MDGA2: variants seen among roughly 807,000 people sequenced by gnomAD.
MDGA2 encodes MAM domain containing glycosylphosphatidylinositol anchor 2.
Under a neutral mutation model 117.8 loss-of-function variants are expected in MDGA2, and 40 were observed. The ratio of observed to expected loss-of-function variants is 0.34; its 90% CI spans 0.26 to 0.44. The LOEUF is 0.44. Among genes scored for constraint, MDGA2 ranks in the 20% least tolerant of loss-of-function variants. The pLI, the probability that MDGA2 is intolerant of heterozygous loss-of-function variation, is 1.00. For synonymous variants in MDGA2, 452 were observed against 439.0 expected (o/e 1.03, Z -0.37); for missense variants, 1,123 against 1,250.6 (o/e 0.90, Z 1.54).
At chr14:46,980,184 T>A (rs1434278752) in intron 8 of MDGA2, among the ~76,000 whole-genome samples, 1 of 152,086 alleles carries the variant, frequency 6.6e-6, no homozygotes, top group African/African-American at 2.4e-5. Flanking sequence ...GGTCAAAATA[T>A]CAACACTAAC....
chr14:47,601,962 A>ACT (rs1896656353), intron 1 of MDGA2, among the ~76,000 whole-genome samples: 1 of 152,170 alleles, frequency 6.6e-6, no homozygotes, highest in African/African-American at 2.4e-5. Flanking sequence ...ATTTTCCTGG[A>ACT]GTCGCTATGC....
chr14:47,259,330 C>A (rs1313402042), intron 2 of MDGA2, among the ~76,000 whole-genome samples: 2 of 151,998 alleles, frequency 1.3e-5, no homozygotes, highest in African/African-American at 2.4e-5. Flanking sequence ...TTAAAAATAT[C>A]CTTCTACTTG....
chr14:47,495,055 A>T (rs957305613), intron 1 of MDGA2, among the ~76,000 whole-genome samples: 1 of 152,030 alleles, frequency 6.6e-6, no homozygotes, highest in African/African-American at 2.4e-5. Flanking sequence ...GGGTATATAC[A>T]CACATACATA....
chr14:47,602,709 A>G (rs142940820), intron 1 of MDGA2, among the ~76,000 whole-genome samples: 39 of 152,264 alleles, frequency 2.6e-4, no homozygotes, highest in African/African-American at 8.2e-4. Context: ...ACTTACCACC[A>G]GTTTGTCTGT....
At chr14:47,039,158 T>C (rs192747292) in intron 7 of MDGA2, among the ~76,000 whole-genome samples, 1 of 152,192 alleles carries the variant, frequency 6.6e-6, no homozygotes, top group Non-Finnish European at 1.5e-5. Context: ...TTTGTTCTCA[T>C]AGACTTCTGT....
chr14:47,382,496 A>G (rs1891659072), intron 1 of MDGA2, among the ~76,000 whole-genome samples: 1 of 152,238 alleles, frequency 6.6e-6, no homozygotes, highest in African/African-American at 2.4e-5. Context: ...AATGACTTAA[A>G]CAAATTCATA....
intron 3 of MDGA2, among the ~76,000 whole-genome samples, chr14:47,160,481 C>T (rs1004676584): frequency 6.6e-6 from 1 of 152,136 alleles, no homozygotes; most frequent in Non-Finnish European, 1.5e-5. Flanking sequence ...GCCTAAGGAA[C>T]ATAGCGAAAC....
At position 47,267,085 on chromosome 14, in the gene MDGA2, A is replaced by G. The variant is rs536138562; in HGVS notation, c.420+34326T>C. Among the ~76,000 whole-genome samples, 20 of 152,288 alleles carry G rather than the reference A, an allele frequency of 1.3e-4. No homozygotes were observed. In the South Asian group the frequency reaches 4.1e-3, roughly 32 times the overall value. On this transcript the variant is annotated intron_variant, in intron 2 of 16. Coordinates refer to ENST00000399232, the MANE Select transcript of MDGA2 (RefSeq NM_001113498.3). ...AGTTTATTCAGAGGATTAATGAGGG[A>G]TGATTGCATGAAGTACCTGGTAACA...
chr14:47,078,207 T>C (rs1890567025), intron 6 of MDGA2, among the ~76,000 whole-genome samples: 1 of 152,100 alleles, frequency 6.6e-6, no homozygotes, highest in South Asian at 2.1e-4. Flanking sequence ...ACTGGGGATC[T>C]AGATTTTTAA....
intron 1 of MDGA2, among the ~76,000 whole-genome samples, chr14:47,534,977 T>C (rs997908004): frequency 1.3e-5 from 2 of 152,202 alleles, no homozygotes; most frequent in African/African-American, 4.8e-5. Context: ...GCCACTCAGC[T>C]AAATCCTAGG....
At chr14:47,145,457 T>C (rs961321754) in intron 3 of MDGA2, among the ~76,000 whole-genome samples, 5 of 152,210 alleles carry the variant, frequency 3.3e-5, no homozygotes, top group African/African-American at 1.2e-4. Flanking sequence ...ATATTCCAGG[T>C]TCTTTTCTTA....
intron 1 of MDGA2, among the ~76,000 whole-genome samples, chr14:47,528,363 A>T (rs571582118): frequency 6.6e-6 from 1 of 152,246 alleles, no homozygotes; most frequent in Non-Finnish European, 1.5e-5. Flanking sequence ...CTGAGAGCTT[A>T]TCTTCTAGTT....
chr14:47,452,872 T>G (rs1300634126), intron 1 of MDGA2, among the ~76,000 whole-genome samples: 1 of 152,076 alleles, frequency 6.6e-6, no homozygotes. Context: ...ATTACATTGT[T>G]CTAGTGGAAG....
chr14:46,942,373 G>A (rs552262918), intron 9 of MDGA2, among the ~76,000 whole-genome samples: 3 of 152,236 alleles, frequency 2.0e-5, no homozygotes, highest in East Asian at 1.9e-4. Flanking sequence ...TTAGCTAGCA[G>A]ATGTTTTATT....
chr14:46,898,245 G>T (rs953993138), intron 10 of MDGA2, among the ~76,000 whole-genome samples: 17 of 152,002 alleles, frequency 1.1e-4, no homozygotes, highest in African/African-American at 4.1e-4. Flanking sequence ...GTTTATTTTG[G>T]AAGAGACTCT....
intron 8 of MDGA2, among the ~76,000 whole-genome samples, chr14:47,016,280 G>C (rs1888080291): frequency 6.6e-6 from 1 of 151,964 alleles, no homozygotes. Context: ...AAGAGTAACA[G>C]TAAGTCCTTC....
At chr14:47,379,665 G>T (rs1484063207) in intron 1 of MDGA2, among the ~76,000 whole-genome samples, 1 of 152,204 alleles carries the variant, frequency 6.6e-6, no homozygotes, top group African/African-American at 2.4e-5. Context: ...TCAACGAGAA[G>T]AGCTAACTAT....
intron 8 of MDGA2, among the ~76,000 whole-genome samples, chr14:46,982,175 C>A (rs1201595194): frequency 1.3e-5 from 2 of 151,956 alleles, no homozygotes; most frequent in East Asian, 1.9e-4. Flanking sequence ...ACACAAGTGA[C>A]CACAATAAAA....
intron 1 of MDGA2, among the ~76,000 whole-genome samples, chr14:47,342,281 TA>T (rs58883627): frequency 2.5e-4 from 21 of 82,412 alleles, no homozygotes; most frequent in Non-Finnish European, 4.4e-4. Context: ...TATATATATA[TA>T]AAATATGTTA....
Sources: allele counts gnomAD v4.1 joint callset (sites outside exome capture counted in the v4.1 genomes callset), GRCh38; gene constraint gnomAD v4.1.1; transcripts MANE v1.5; gene names NCBI Gene and HGNC (gene_info 2026-07-23, HGNC 2026-07-21).